Variants in MOK observed in about 807,000 individuals in gnomAD.
MOK encodes the protein MOK protein kinase.
In MOK, 59 loss-of-function variants were observed where a neutral mutation model predicts 54.2. The observed-to-expected ratio is 1.09, with a 90% CI of 0.88 to 1.35. The LOEUF (loss-of-function observed/expected upper bound fraction) is 1.35. Ranked by LOEUF, MOK falls within the 40% of genes most tolerant of loss-of-function variation. The pLI is 0.00. For synonymous variants in MOK, 210 were observed against 202.7 expected, an observed-to-expected ratio of 1.04 and a Z score of -0.31; for missense variants, 517 against 526.2, an observed-to-expected ratio of 0.98 and a Z score of 0.17.
chr14:102,275,176 C>T (rs1242945080), intron 2 of MOK, among the ~76,000 whole-genome samples: 2 of 152,082 alleles, frequency 1.3e-5, no homozygotes, highest in Admixed American at 1.3e-4. Flanking sequence ...CAAGGAAAGT[C>T]TTTTTTTAAC....
At chr14:102,304,156 G>C (rs1055174144) in intron 1 of MOK, among the ~76,000 whole-genome samples, 1 of 152,112 alleles carries the variant, frequency 6.6e-6, no homozygotes, top group East Asian at 1.9e-4. Flanking sequence ...TTGACAATTA[G>C]GATACAATGC....
intron 7 of MOK, chr14:102,237,918 A>G (rs1460359017): frequency 6.6e-6 from 1 of 152,210 alleles, no homozygotes. Flanking sequence ...TCTCCTCCCG[A>G]GCATGAGGCT....
chr14:102,257,063 G>A lies in MOK; in HGVS notation c.284-5068C>T, dbSNP rs182182512. ...CCACTCTTGCCTTCATGGCACACCC[G>A]CAGATTGGCTTGCTCAGGTCCTATC... On this transcript the variant is annotated intron_variant, in intron 4 of 11. Transcript: ENST00000361847. Among the ~76,000 whole-genome samples the A allele has an allele frequency of 2.0e-5, 3 of 151,198 alleles. No individual in the cohort carries two copies. The East Asian group carries it at 5.8e-4, about 29-fold the overall frequency.
At chr14:102,220,462 G>A (rs1307659356), downstream of MOK, among the ~76,000 whole-genome samples, 1 of 152,134 alleles carries the variant, frequency 6.6e-6, no homozygotes, top group South Asian at 2.1e-4. The surrounding 1 kb of genome is among the most constrained non-coding windows in gnomAD (Gnocchi z 4.2). Flanking sequence ...GGTGGCTCAC[G>A]CCTGTAATCC....
chr14:102,261,254 CAA>C (rs71116891), intron 4 of MOK, among the ~76,000 whole-genome samples: 11 of 86,796 alleles, frequency 1.3e-4, no homozygotes, highest in African/African-American at 1.5e-4. Flanking sequence ...ACTCTGCCTA[CAA>C]AAAAAAAAAA....
chr14:102,262,318 T>G (rs987726527), intron 4 of MOK, among the ~76,000 whole-genome samples: 2 of 152,120 alleles, frequency 1.3e-5, no homozygotes, highest in Admixed American at 1.3e-4. Context: ...GCTAATTTTT[T>G]TGTGTGTATT....
At chr14:102,219,356 C>T in the MOK span, among the ~76,000 whole-genome samples, 1 of 152,238 alleles carries the variant, frequency 6.6e-6, no homozygotes, top group Non-Finnish European at 1.5e-5. Context: ...AAGTCCTCAG[C>T]GGCATGCAGG....
intron 1 of MOK, among the ~76,000 whole-genome samples, chr14:102,299,452 T>A (rs2071897165): frequency 6.6e-6 from 1 of 151,914 alleles, no homozygotes; most frequent in East Asian, 1.9e-4. Flanking sequence ...GAGGCAGAGG[T>A]TGCAGCGAGC....
At chr14:102,234,978 T>A (rs534196844) in intron 7 of MOK, 1 of 151,278 alleles carries the variant, frequency 6.6e-6, no homozygotes, top group East Asian at 1.9e-4. Context: ...CTCATCCCAA[T>A]AGCCCCAGCG....
In MOK at chr14:102,249,610, G is replaced by C. The variant is rs1325883131; in HGVS notation, c.590+1202C>G. Among the ~76,000 whole-genome samples, 1 of 152,206 alleles carries C rather than the reference G, an allele frequency of 6.6e-6. No individual in the cohort carries two copies. Among genetic ancestry groups the C allele is most frequent in the Non-Finnish European group, 1.5e-5 (1 of 68,032 alleles). The stretch of plus-strand genomic sequence containing the variant: ...TGTAATCCCAGCTACTTGGGGGGCT[G>C]AGGCAGGAGAATCGCTAGAACCCGG... On this transcript the variant is annotated intron_variant, in intron 7 of 11. Transcript: ENST00000361847. The surrounding 1 kb of genome is among the most constrained non-coding windows in gnomAD (Gnocchi z 5.3).
intron 1 of MOK, among the ~76,000 whole-genome samples, chr14:102,301,051 T>C (rs1273562725): frequency 6.6e-6 from 1 of 152,132 alleles, no homozygotes; most frequent in African/African-American, 2.4e-5. Context: ...GCCAAGATTG[T>C]GCCACTGTAC....
Position 102,231,728 on chromosome 14 carries a change from A to T in MOK, c.960T>A (p.Ile320=). 1 of 1,611,410 alleles carries T rather than the reference A, an allele frequency of 6.2e-7. No individual in the cohort carries two copies. The highest frequency in any genetic ancestry group is 1.7e-5 in the Admixed American group (1 of 60,008). The change falls in exon 10 of 12, where the codon ATT becomes ATA. Residue 320 remains isoleucine (I), a synonymous_variant. Coordinates refer to ENST00000361847, the MANE Select transcript of MOK (RefSeq NM_014226.3). This position sits in a 1 kb window ranked among gnomAD's most constrained non-coding sequence, Gnocchi z 4.4. ...APEPLSNSCQ[I]SKEGRKQKQS... ...GTACCTGCTTTCTGCCCTCCTTGGA[A>T]ATCTGGCAGCTGTTACTGAGTGGTT...
chr14:102,287,269 G>C (rs1316176875), intron 1 of MOK, among the ~76,000 whole-genome samples: 1 of 152,054 alleles, frequency 6.6e-6, no homozygotes, highest in African/African-American at 2.4e-5. Flanking sequence ...AGGAGTTCGA[G>C]ACCAGCCTGG....
intron 1 of MOK, among the ~76,000 whole-genome samples, chr14:102,287,278 G>A (rs951270596): frequency 6.6e-6 from 1 of 151,980 alleles, no homozygotes; most frequent in Non-Finnish European, 1.5e-5. Context: ...AGACCAGCCT[G>A]GCCAACATGG....
intron 7 of MOK, among the ~76,000 whole-genome samples, chr14:102,237,154 A>G (rs893063060): frequency 6.6e-6 from 1 of 152,188 alleles, no homozygotes; most frequent in African/African-American, 2.4e-5. Flanking sequence ...GGCTTCAGAG[A>G]TAACCCTCAC....
downstream of MOK, among the ~76,000 whole-genome samples, chr14:102,220,192 T>C (rs1597159758): frequency 6.6e-6 from 1 of 152,096 alleles, no homozygotes; most frequent in East Asian, 1.9e-4. This position sits in a 1 kb window ranked among gnomAD's most constrained non-coding sequence, Gnocchi z 4.2. Context: ...CTGGGAGTGA[T>C]GGAAAGCAGC....
At chr14:102,247,991 C>A (rs1052825071) in intron 7 of MOK, among the ~76,000 whole-genome samples, 2 of 152,162 alleles carry the variant, frequency 1.3e-5, no homozygotes, top group African/African-American at 4.8e-5. Flanking sequence ...CGTATCGGAG[C>A]CTTCAATACA....
downstream of MOK, among the ~76,000 whole-genome samples, chr14:102,223,946 G>A (rs776431483): frequency 1.4e-4 from 21 of 151,854 alleles, no homozygotes; most frequent in African/African-American, 1.9e-4. Flanking sequence ...TCCTCCTTTC[G>A]TCATTGAAAG....
chr14:102,234,793 C>T (rs569916747), intron 7 of MOK, among the ~76,000 whole-genome samples: 33 of 152,332 alleles, frequency 2.2e-4, no homozygotes, highest in African/African-American at 6.7e-4. Context: ...ATGGCACTTT[C>T]GATTCCGACA....
Sources: allele counts gnomAD v4.1 joint callset (sites outside exome capture counted in the v4.1 genomes callset), GRCh38; gene constraint gnomAD v4.1.1; non-coding constraint Gnocchi (gnomAD v3.1); transcripts MANE v1.5; gene names NCBI Gene and HGNC (gene_info 2026-07-23, HGNC 2026-07-21).